Variants in PDE10A observed in about 807,000 individuals in gnomAD.
PDE10A encodes the protein phosphodiesterase 10A.
Under a neutral mutation model 97.7 loss-of-function variants are expected in PDE10A, and 39 were observed. The observed-to-expected ratio is 0.40, with a 90% CI of 0.31 to 0.52. The LOEUF is 0.52. Ranked by LOEUF, PDE10A falls within the 20% of genes least tolerant of loss-of-function variation. The pLI, the probability that PDE10A is intolerant of heterozygous loss-of-function variation, is 0.56. For synonymous variants in PDE10A, 371 were observed against 376.8 expected, an observed-to-expected ratio of 0.98 and a Z score of 0.18; for missense variants, 731 against 1,047.8, an observed-to-expected ratio of 0.70 and a Z score of 4.17.
intron 2 of PDE10A, among the ~76,000 whole-genome samples, chr6:165,489,685 A>T (rs113255494): frequency 1.3e-5 from 2 of 152,164 alleles, no homozygotes; most frequent in Admixed American, 6.5e-5. Flanking sequence ...CAACTTAAAG[A>T]AATCAAAAAA....
At chr6:165,963,926 T>TGAAG (rs1163883051) in intron 1 of PDE10A, among the ~76,000 whole-genome samples, 2 of 152,170 alleles carry the variant, frequency 1.3e-5, no homozygotes, top group Non-Finnish European at 2.9e-5. Flanking sequence ...TATCGAGGTT[T>TGAAG]GAAGGAAGGA....
At chr6:165,473,063 C>T (rs1299817403) in intron 3 of PDE10A, among the ~76,000 whole-genome samples, 1 of 152,014 alleles carries the variant, frequency 6.6e-6, no homozygotes. Context: ...AATTTTAAAA[C>T]AATCTAAATA....
intron 1 of PDE10A, among the ~76,000 whole-genome samples, chr6:165,798,693 G>T (rs565635476): frequency 5.4e-4 from 81 of 149,366 alleles, no homozygotes; most frequent in African/African-American, 2.0e-3. Context: ...AATCATCGAG[G>T]TTAAATTTAA....
At chr6:165,563,237 G>A (rs924671354) in intron 1 of PDE10A, among the ~76,000 whole-genome samples, 2 of 147,322 alleles carry the variant, frequency 1.4e-5, no homozygotes, top group African/African-American at 2.5e-5. Flanking sequence ...AGAGGAAGGG[G>A]GAGAGGGAGA....
At chr6:165,640,086 A>AAT (rs1491565359) in intron 1 of PDE10A, among the ~76,000 whole-genome samples, 3 of 151,710 alleles carry the variant, frequency 2.0e-5, no homozygotes, top group African/African-American at 7.3e-5. Flanking sequence ...AAAAAAAAAA[A>AAT]ATCTATACAA....
chr6:165,917,804 T>C (rs1782648991), intron 1 of PDE10A, among the ~76,000 whole-genome samples: 1 of 152,108 alleles, frequency 6.6e-6, no homozygotes, highest in Non-Finnish European at 1.5e-5. Context: ...AGGCGCCATC[T>C]CCTCTTCTGC....
Position 165,518,155 on chromosome 6 carries a change from C to T in PDE10A, c.994+25285G>A, listed in dbSNP as rs1285737687. Among the ~76,000 whole-genome samples, 3 of 152,252 alleles carry T rather than the reference C, an allele frequency of 2.0e-5. 1 individual carries two copies. In the South Asian group the frequency reaches 6.2e-4, roughly 32 times the overall value. On this transcript the variant is annotated intron_variant, in intron 2 of 21. Transcript: ENST00000539869. Reference sequence around the variant, plus strand: ...CACTGACTTCTAAAAATCACAGCTTCGTTCAAATCCATAAATTATGAGAGC... The same window carrying T: ...CACTGACTTCTAAAAATCACAGCTTTGTTCAAATCCATAAATTATGAGAGC...
intron 1 of PDE10A, among the ~76,000 whole-genome samples, chr6:165,826,300 GTCT>G (rs1452724528): frequency 8.5e-5 from 2 of 23,418 alleles, no homozygotes; most frequent in Non-Finnish European, 1.9e-4. Context: ...CCCCATGTCC[GTCT>G]TCATGTCCCT....
At chr6:165,573,978 G>A (rs762609924) in intron 1 of PDE10A, among the ~76,000 whole-genome samples, 3 of 152,194 alleles carry the variant, frequency 2.0e-5, no homozygotes, top group Admixed American at 1.3e-4. Flanking sequence ...CTGGCACTTC[G>A]GCCATTACTG....
intron 1 of PDE10A, among the ~76,000 whole-genome samples, chr6:165,822,806 C>A (rs1034626690): frequency 6.6e-6 from 1 of 152,086 alleles, no homozygotes; most frequent in East Asian, 1.9e-4. Context: ...ATAAGAAAAG[C>A]TAAACTTAGC....
At chr6:165,811,609 G>A (rs1189875436) in intron 1 of PDE10A, among the ~76,000 whole-genome samples, 1 of 152,208 alleles carries the variant, frequency 6.6e-6, no homozygotes, top group Non-Finnish European at 1.5e-5. Flanking sequence ...GGATAAGACA[G>A]ACTCCGGCCT....
intron 1 of PDE10A, among the ~76,000 whole-genome samples, chr6:165,770,667 G>A (rs1230470218): frequency 2.0e-5 from 3 of 152,134 alleles, no homozygotes; most frequent in East Asian, 1.9e-4. Context: ...CCCTCCTCCC[G>A]GGAGAGTCAT....
chr6:165,918,796 C>CG (rs2094668725), intron 1 of PDE10A, among the ~76,000 whole-genome samples: 1 of 152,128 alleles, frequency 6.6e-6, no homozygotes, highest in East Asian at 1.9e-4. Flanking sequence ...CTCTTCCTCT[C>CG]GGGGGTGTCA....
At chr6:165,909,572 A>G (rs1279774543) in intron 1 of PDE10A, among the ~76,000 whole-genome samples, 1 of 152,186 alleles carries the variant, frequency 6.6e-6, no homozygotes, top group Non-Finnish European at 1.5e-5. Context: ...TTCATAGCAG[A>G]GTTTGAGGGA....
intron 1 of PDE10A, among the ~76,000 whole-genome samples, chr6:165,713,082 G>A (rs1440212751): frequency 2.6e-5 from 4 of 152,246 alleles, no homozygotes; most frequent in Non-Finnish European, 5.9e-5. Flanking sequence ...ATTACAAAGA[G>A]AGAGTGCCGC....
chr6:165,484,533 C>T (rs892775283), intron 2 of PDE10A, among the ~76,000 whole-genome samples: 3 of 152,030 alleles, frequency 2.0e-5, no homozygotes, highest in Admixed American at 6.6e-5. Context: ...ATCTAGTGCC[C>T]GATGATCTGA....
chr6:165,951,794 T>C (rs908613367), intron 1 of PDE10A, among the ~76,000 whole-genome samples: 1 of 152,218 alleles, frequency 6.6e-6, no homozygotes, highest in Non-Finnish European at 1.5e-5. Context: ...TCCATGCAAG[T>C]GGTGACCTGG....
At chr6:165,977,813 T>C (rs1190596528) in intron 1 of PDE10A, among the ~76,000 whole-genome samples, 1 of 152,226 alleles carries the variant, frequency 6.6e-6, no homozygotes, top group Non-Finnish European at 1.5e-5. Flanking sequence ...GCAGTTTTAT[T>C]TGGAGTAGCC....
intron 1 of PDE10A, among the ~76,000 whole-genome samples, chr6:165,707,458 C>T (rs1017851770): frequency 6.6e-6 from 1 of 152,236 alleles, no homozygotes; most frequent in Non-Finnish European, 1.5e-5. Context: ...TGTTGAGAAA[C>T]CGCAGTTTTC....
Sources: allele counts gnomAD v4.1 joint callset (sites outside exome capture counted in the v4.1 genomes callset), GRCh38; gene constraint gnomAD v4.1.1; transcripts MANE v1.5; gene names NCBI Gene and HGNC (gene_info 2026-07-23, HGNC 2026-07-21).